The following KLRG1 variants were observed in gnomAD, a reference collection of about 807,000 sequenced individuals.
The protein encoded by KLRG1 is killer cell lectin like receptor G1.
KLRG1 carries 16 observed loss-of-function variants against 21.8 expected under a neutral mutation model. The observed-to-expected ratio is 0.73, with a 90% confidence interval of 0.50 to 1.11. The LOEUF (loss-of-function observed/expected upper bound fraction) is 1.11. KLRG1 is among the 50% of genes most tolerant of loss of function. The pLI is 0.00. For synonymous variants in KLRG1, 69 were observed against 75.9 expected (o/e 0.91, Z 0.47); for missense variants, 173 against 218.3 (o/e 0.79, Z 1.31).
the KLRG1 span, among the ~76,000 whole-genome samples, chr12:9,203,381 G>A: frequency 7.8e-6 from 1 of 129,006 alleles, no homozygotes; most frequent in Non-Finnish European, 1.6e-5. Context: ...TCGCTCTGTC[G>A]CCCAGGCTGG....
the KLRG1 span, chr12:9,196,745 C>G: frequency 7.2e-7 from 1 of 1,396,746 alleles, no homozygotes; most frequent in Non-Finnish European, 1.0e-6. Flanking sequence ...GTCACTGAAT[C>G]TACTATTCTG....
the KLRG1 span, among the ~76,000 whole-genome samples, chr12:9,190,968 GTAAT>G: frequency 1.3e-5 from 2 of 152,094 alleles, no homozygotes; most frequent in Non-Finnish European, 2.9e-5. Flanking sequence ...GAGTAAATCG[GTAAT>G]TAATAACTAT....
At chr12:9,012,505 G>T (rs1022370173), downstream of KLRG1, among the ~76,000 whole-genome samples, 1 of 152,036 alleles carries the variant, frequency 6.6e-6, no homozygotes, top group African/African-American at 2.4e-5. Flanking sequence ...TAGGTATTGG[G>T]TGAGATCCAG....
chr12:9,069,488 A>C, the KLRG1 span, among the ~76,000 whole-genome samples: 1 of 152,188 alleles, frequency 6.6e-6, no homozygotes, highest in African/African-American at 2.4e-5. Flanking sequence ...TCAACATAAT[A>C]AACACATTTT....
the KLRG1 span, among the ~76,000 whole-genome samples, chr12:9,099,967 G>A: frequency 6.6e-6 from 1 of 152,210 alleles, no homozygotes; most frequent in African/African-American, 2.4e-5. Flanking sequence ...TGATGCCTAT[G>A]TAGATTCTTT....
intron 1 of KLRG1, among the ~76,000 whole-genome samples, chr12:8,973,462 T>G (rs1420213889): frequency 6.6e-6 from 1 of 152,168 alleles, no homozygotes; most frequent in African/African-American, 2.4e-5. Context: ...TCTGCCCATA[T>G]GAGAACAAGT....
At chr12:9,025,604 T>C in the KLRG1 span, among the ~76,000 whole-genome samples, 1 of 152,248 alleles carries the variant, frequency 6.6e-6, no homozygotes, top group South Asian at 2.1e-4. Context: ...GCGACTGCAC[T>C]CCAGCCTGGA....
the KLRG1 span, among the ~76,000 whole-genome samples, chr12:9,126,681 T>G: frequency 6.6e-6 from 1 of 152,200 alleles, no homozygotes; most frequent in Non-Finnish European, 1.5e-5. Flanking sequence ...CTTTTAAGTA[T>G]GGGTGCTCCC....
chr12:9,058,729 C>T, the KLRG1 span: 7 of 152,634 alleles, frequency 4.6e-5, no homozygotes, highest in African/African-American at 1.2e-4. Context: ...CTTCTCGTAC[C>T]ACGTGCTTGC....
the KLRG1 span, among the ~76,000 whole-genome samples, chr12:9,046,683 T>C: frequency 6.6e-6 from 1 of 152,136 alleles, no homozygotes; most frequent in African/African-American, 2.4e-5. Flanking sequence ...ATGAAAGAAA[T>C]TAAAAACTCA....
At chr12:8,964,628 C>T (rs1225569323) in intron 1 of KLRG1, among the ~76,000 whole-genome samples, 17 of 142,658 alleles carry the variant, frequency 1.2e-4, no homozygotes, top group South Asian at 6.9e-4. Context: ...CTAATGTTGA[C>T]AGTGGGGTGT....
At chr12:9,207,668 C>T in the KLRG1 span, among the ~76,000 whole-genome samples, 6 of 152,146 alleles carry the variant, frequency 3.9e-5, no homozygotes. Context: ...ACTTTGAGAC[C>T]AAGGACTCTG....
chr12:9,127,493 GCTCCTT>G, the KLRG1 span, among the ~76,000 whole-genome samples: 1 of 152,140 alleles, frequency 6.6e-6, no homozygotes, highest in Non-Finnish European at 1.5e-5. Flanking sequence ...GCCGATTGCA[GCTCCTT>G]GAACCGTTCT....
At chr12:9,135,346 C>G in the KLRG1 span, 5 of 316,042 alleles carry the variant, frequency 1.6e-5, no homozygotes, top group Non-Finnish European at 3.2e-5. Flanking sequence ...AGGAGCTGTT[C>G]AAGCTTTTCC....
the KLRG1 span, chr12:9,116,001 G>C: frequency 1.4e-6 from 1 of 697,522 alleles, no homozygotes. Flanking sequence ...TCTAAACAAA[G>C]TTGAGGTCTC....
chr12:9,169,514 G>A, the KLRG1 span: 1 of 1,612,494 alleles, frequency 6.2e-7, no homozygotes, highest in Middle Eastern at 1.7e-4. Context: ...GACGGGGACA[G>A]TGTCCTTGTT....
At chr12:9,003,270 A>C (rs1005324532) in intron 3 of KLRG1, among the ~76,000 whole-genome samples, 1 of 152,116 alleles carries the variant, frequency 6.6e-6, no homozygotes, top group African/African-American at 2.4e-5. Context: ...AAAGAAAAAG[A>C]AATGGACTGT....
chr12:9,074,919 C>T, the KLRG1 span: 1 of 976,974 alleles, frequency 1.0e-6, no homozygotes, highest in Non-Finnish European at 1.5e-6. Flanking sequence ...ATGCTTTTCC[C>T]TTCATGTAAA....
chr12:9,158,752 CTTTTCTTTTTT>C, the KLRG1 span, among the ~76,000 whole-genome samples: 3 of 97,818 alleles, frequency 3.1e-5, no homozygotes, highest in Non-Finnish European at 5.9e-5. Context: ...TTTTTCTTTT[CTTTTCTTTTTT>C]TTTTTTTTTT....
Sources: allele counts gnomAD v4.1 joint callset (sites outside exome capture counted in the v4.1 genomes callset), GRCh38; gene constraint gnomAD v4.1.1; transcripts MANE v1.5; gene names NCBI Gene and HGNC (gene_info 2026-07-23, HGNC 2026-07-21).